The following CCAR1 variants were observed in gnomAD, a reference collection of about 807,000 sequenced individuals.
The protein encoded by CCAR1 is cell division cycle and apoptosis regulator 1.
In CCAR1, 78 loss-of-function variants were observed where a neutral mutation model predicts 163.8. The ratio of observed to expected loss-of-function variants is 0.48; its 90% confidence interval spans 0.40 to 0.57. The LOEUF (loss-of-function observed/expected upper bound fraction) is 0.57. Among genes scored for constraint, CCAR1 ranks in the 20% least tolerant of loss-of-function variants. The probability of loss-of-function intolerance (pLI) is 0.00; values close to 1 mark genes in which losing one functional copy is unlikely to be tolerated. For missense variants in CCAR1, 1,019 were observed against 1,365.2 expected, an observed-to-expected ratio of 0.75 and a Z score of 4.00; for synonymous variants, 443 against 460.7, an observed-to-expected ratio of 0.96 and a Z score of 0.49.
Position 68,761,051 on chromosome 10 carries a change from C to T in CCAR1, c.1965C>T (p.Ser655=). Residue 655 remains serine (S), a synonymous_variant, in exon 16 of 25, where the codon TCC becomes TCT. Coordinates refer to ENST00000265872, the MANE Select transcript of CCAR1 (RefSeq NM_018237.4). ...RKELESRALS[S]KGLKSQLIAR... ...AATTAGAAAGTCGAGCTCTTAGTTCCAAAGGATTAAAATCCCAGTTAATAG... is the reference window on the plus strand; with the variant it reads ...AATTAGAAAGTCGAGCTCTTAGTTCTAAAGGATTAAAATCCCAGTTAATAG... 1 of 1,587,442 alleles carries T rather than the reference C, an allele frequency of 6.3e-7. No individual in the cohort carries two copies. The highest frequency in any genetic ancestry group is 2.3e-5 in the East Asian group (1 of 43,318).
Position 68,786,526 on chromosome 10 carries a change from C to G in CCAR1, c.2734-20C>G, listed in dbSNP as rs1317157966. On this transcript the variant is annotated intron_variant, in intron 20 of 24. Transcript: ENST00000265872. The stretch of plus-strand genomic sequence containing the variant: ...ATTTGAAATTTGAATACTATGTTTT[C>G]TACTTCTCCATTTTCTTAGGAAAAA... 6.5e-7 allele frequency: 1 copy of G among 1,539,158 alleles called. No individual in the cohort carries two copies. The highest frequency in any genetic ancestry group is 8.7e-7 in the Non-Finnish European group (1 of 1,143,086).
chr10:68,724,986 AAG>A (rs2055920088), intron 2 of CCAR1, among the ~76,000 whole-genome samples: 1 of 152,066 alleles, frequency 6.6e-6, no homozygotes, highest in Non-Finnish European at 1.5e-5. Context: ...TAAAAATACA[AAG>A]GTAGCCTGGC....
chr10:68,752,639 G>A (rs1455940324), intron 10 of CCAR1, among the ~76,000 whole-genome samples: 1 of 152,134 alleles, frequency 6.6e-6, no homozygotes, highest in Non-Finnish European at 1.5e-5. Flanking sequence ...AGGAGGCTGA[G>A]GTGGAAGGAT....
At chr10:68,783,063 C>T (rs11596667) in intron 19 of CCAR1, among the ~76,000 whole-genome samples, 91 of 147,228 alleles carry the variant, frequency 6.2e-4, no homozygotes, top group Non-Finnish European at 1.1e-3. Context: ...AATGCAGTGG[C>T]GTGATCATGG....
chr10:68,765,370 G>A (rs1589178399), intron 16 of CCAR1, among the ~76,000 whole-genome samples: 2 of 152,046 alleles, frequency 1.3e-5, no homozygotes, highest in Admixed American at 6.6e-5. Context: ...TGGTTTTCTT[G>A]TTCTCCCATT....
intron 11 of CCAR1, 105 bp downstream of exon 11, chr10:68,754,182 A>G: frequency 2.8e-6 from 2 of 722,382 alleles, no homozygotes; most frequent in Non-Finnish European, 4.5e-6. Flanking sequence ...GTAGACCCGA[A>G]TACCTGTTTT....
chr10:68,787,789 C>A, intron 21 of CCAR1, 138 bp from the exon 22 acceptor site: 1 of 703,646 alleles, frequency 1.4e-6, no homozygotes, highest in Non-Finnish European at 2.3e-6. Flanking sequence ...GAGTCGAGAT[C>A]ACACCACTGC....
At chr10:68,760,565 A>G (rs960109736) in intron 15 of CCAR1, among the ~76,000 whole-genome samples, 4 of 152,156 alleles carry the variant, frequency 2.6e-5, no homozygotes, top group Non-Finnish European at 5.9e-5. Flanking sequence ...TTTTCACCAC[A>G]TTTTTAAAAA....
Position 68,755,309 on chromosome 10 carries a change from A to G in CCAR1, c.1459-61A>G. ...AGGTTTGTACCTTTCCTTCTCAAGT[A>G]TCTTATTGGTAATTTGACAGGGTGC... On this transcript the variant is annotated intron_variant, in intron 12 of 24. Coordinates refer to ENST00000265872, the MANE Select transcript of CCAR1 (RefSeq NM_018237.4). 3 of 1,413,862 alleles carry G rather than the reference A, an allele frequency of 2.1e-6. No homozygotes were observed. In the South Asian group the frequency reaches 3.5e-5, roughly 16 times the overall value. The allele number at this position is 1,413,862 out of a possible 1,614,324, so 87.6% of individuals were successfully genotyped here. A position where few individuals can be genotyped will look rare whatever the true frequency, so the allele number is the denominator to read the frequency against.
chr10:68,775,687 C>CTTTTTTTTTTTTTTTTTT (rs71028782), intron 19 of CCAR1, among the ~76,000 whole-genome samples: 1 of 51,762 alleles, frequency 1.9e-5, no homozygotes, highest in African/African-American at 8.5e-5. Context: ...TTTTTCTTTT[C>CTTTTTTTTTTTTTTTTTT]TTTTTTTTTT....
At chr10:68,731,790 C>CA (rs2056043388) in intron 2 of CCAR1, among the ~76,000 whole-genome samples, 1 of 151,962 alleles carries the variant, frequency 6.6e-6, no homozygotes, top group African/African-American at 2.4e-5. Flanking sequence ...GGGGTTTCGC[C>CA]ATGTTTGCCA....
intron 17 of CCAR1, among the ~76,000 whole-genome samples, chr10:68,770,250 C>G (rs1248241821): frequency 6.6e-6 from 1 of 152,122 alleles, no homozygotes; most frequent in Non-Finnish European, 1.5e-5. Flanking sequence ...AAAAACCAGG[C>G]AGCCCTAGAA....
chr10:68,791,147 C>A, intron 24 of CCAR1, 60 bp from the exon 25 acceptor site: 1 of 1,007,196 alleles, frequency 9.9e-7, no homozygotes, highest in Non-Finnish European at 1.5e-6. Flanking sequence ...ACTCTAAAAT[C>A]AAAGTAACAT....
chr10:68,784,529 A>G (rs1275339125), intron 19 of CCAR1, among the ~76,000 whole-genome samples: 1 of 152,012 alleles, frequency 6.6e-6, no homozygotes, highest in Non-Finnish European at 1.5e-5. Context: ...TCTAATTTTA[A>G]AAGAGGTTAT....
chr10:68,775,244 G>A lies in CCAR1; in HGVS notation c.2650+2145G>A, dbSNP rs142369802. Among the ~76,000 whole-genome samples, 88 of 152,170 alleles carry A rather than the reference G, an allele frequency of 5.8e-4. 2 individuals carry two copies. Among genetic ancestry groups the A allele is most frequent in the African/African-American group, 2.0e-3 (81 of 41,524 alleles). ...TAATCACACCTAAGAAAATAAGGTCGTAATAGCATCTATTATTACTATGTA... is the reference window on the plus strand; with the variant it reads ...TAATCACACCTAAGAAAATAAGGTCATAATAGCATCTATTATTACTATGTA... On this transcript the variant is annotated intron_variant, in intron 19 of 24. Coordinates refer to ENST00000265872, the MANE Select transcript of CCAR1 (RefSeq NM_018237.4).
intron 13 of CCAR1, 120 bp downstream of exon 13, chr10:68,755,656 C>G: frequency 1.4e-6 from 1 of 726,860 alleles, no homozygotes; most frequent in Admixed American, 3.0e-5. Flanking sequence ...CAGGTAATCT[C>G]AAAGGAAAAT....
At position 68,791,320 on chromosome 10, in the gene CCAR1, C is replaced by A; in HGVS notation, c.*54C>A. 2.5e-6 allele frequency: 3 copies of A among 1,213,516 alleles called. No individual in the cohort carries two copies. The highest frequency in any genetic ancestry group is 1.4e-5 in the South Asian group (1 of 70,804). 75.2% of individuals were successfully genotyped at this position (1,213,516 alleles called of 1,614,324 possible). On this transcript the variant is annotated 3_prime_UTR_variant, in exon 25 of 25. Transcript: ENST00000265872. ...GTTAAATAATGTAATATATAAAAAT[C>A]ATGATATAAGAATGTTTGAAGGTGA...
At chr10:68,770,767 T>A (rs2056591667) in intron 17 of CCAR1, among the ~76,000 whole-genome samples, 1 of 151,458 alleles carries the variant, frequency 6.6e-6, no homozygotes, top group Admixed American at 6.6e-5. Context: ...TAAAAAAGAT[T>A]AATGGTTGTG....
intron 11 of CCAR1, 130 bp from the exon 12 acceptor site, chr10:68,754,584 C>A: frequency 3.5e-6 from 2 of 579,018 alleles, no homozygotes; most frequent in South Asian, 2.4e-5. Flanking sequence ...AATACTGTTT[C>A]TGCTATAGTA....
Sources: allele counts gnomAD v4.1 joint callset (sites outside exome capture counted in the v4.1 genomes callset), GRCh38; gene constraint gnomAD v4.1.1; transcripts MANE v1.5; gene names NCBI Gene and HGNC (gene_info 2026-07-23, HGNC 2026-07-21).